LUC7L: variants seen among roughly 807,000 people sequenced by gnomAD.
LUC7L encodes the protein putative RNA-binding protein Luc7-like 1.
Under a neutral mutation model 51.1 loss-of-function variants are expected in LUC7L, and 29 were observed. The observed-to-expected ratio is 0.57, with a 90% CI of 0.42 to 0.77. LUC7L has a LOEUF of 0.77. Among genes scored for constraint, LUC7L ranks in the 30% least tolerant of loss-of-function variants. The probability of loss-of-function intolerance (pLI) is 0.00; values close to 1 mark genes in which losing one functional copy is unlikely to be tolerated. For synonymous variants in LUC7L, 181 were observed against 180.7 expected (o/e 1.00, Z -0.01); for missense variants, 403 against 511.9 (o/e 0.79, Z 2.05).
chr16:190,667 G>T, intron 7 of LUC7L, 97 bp from the exon 8 acceptor site: 1 of 1,092,000 alleles, frequency 9.2e-7, no homozygotes, highest in South Asian at 1.3e-5. Flanking sequence ...ATCACCTGAG[G>T]TCACGAGCTG....
intron 2 of LUC7L, among the ~76,000 whole-genome samples, chr16:224,087 C>T (rs1450372495): frequency 6.6e-6 from 1 of 152,118 alleles, no homozygotes; most frequent in East Asian, 1.9e-4. Context: ...ATGCTTTAAA[C>T]TAATCAAGGC....
At chr16:227,173 G>C in intron 2 of LUC7L, 69 bp downstream of exon 2, 1 of 1,297,368 alleles carries the variant, frequency 7.7e-7, no homozygotes, top group Non-Finnish European at 1.1e-6. Flanking sequence ...ATTCAACATA[G>C]AAAAACCGTC....
intron 3 of LUC7L, chr16:208,948 C>G (rs2049560436): frequency 6.6e-6 from 1 of 152,192 alleles, no homozygotes; most frequent in Admixed American, 6.6e-5. Flanking sequence ...GTAATCCCAG[C>G]ACTTTGTGAG....
intron 1 of LUC7L, 28 bp downstream of exon 1, chr16:229,251 C>G (rs1480799665): frequency 6.5e-7 from 1 of 1,530,008 alleles, no homozygotes; most frequent in African/African-American, 1.4e-5. Context: ...CACCCCAGAC[C>G]CTCGCCTGGT....
At chr16:189,589 C>G in intron 9 of LUC7L, 1 of 1,362,420 alleles carries the variant, frequency 7.3e-7, no homozygotes, top group Non-Finnish European at 9.4e-7. Flanking sequence ...AAGGAGAATA[C>G]AACACTATAT....
rs545589288 is a variant in LUC7L at position 207,131 on chromosome 16, G to T, written c.366+947C>A. On this transcript the variant is annotated intron_variant, in intron 4 of 9. Coordinates refer to ENST00000293872, the MANE Select transcript of LUC7L (RefSeq NM_201412.3). The stretch of plus-strand genomic sequence containing the variant: ...GGAGAATGGCGTAAACCCAGGAGGC[G>T]GAGCTTGCAGTGAGTCGAGATCACG... Among the ~76,000 whole-genome samples, 22 of 151,816 alleles carry T rather than the reference G, an allele frequency of 1.4e-4. No homozygotes were observed. In the East Asian group the frequency reaches 4.1e-3, roughly 28 times the overall value.
In LUC7L at chr16:206,167, G is replaced by C. The variant is rs1451011165; in HGVS notation, c.367-20C>G. ...TTCTGCCTGTGAGGAGAAAGAATGA[G>C]GTAAGCAGACATCTGAAAATGAAAG... On this transcript the variant is annotated intron_variant, in intron 4 of 9. Transcript: ENST00000293872. 1.9e-6 allele frequency: 3 copies of C among 1,605,078 alleles called. No individual in the cohort carries two copies. The South Asian group carries it at 3.4e-5, about 18-fold the overall frequency.
At chr16:210,919 C>T (rs1433639758) in intron 3 of LUC7L, among the ~76,000 whole-genome samples, 5 of 151,820 alleles carry the variant, frequency 3.3e-5, no homozygotes, top group African/African-American at 7.3e-5. Flanking sequence ...GGCGTGGTGG[C>T]GGGCGCCTAT....
At chr16:221,842 G>C (rs180988799) in intron 2 of LUC7L, among the ~76,000 whole-genome samples, 2 of 152,340 alleles carry the variant, frequency 1.3e-5, no homozygotes, top group East Asian at 3.9e-4. Context: ...AGAGCGGACA[G>C]AAGTTAGATT....
chr16:219,862 T>TC (rs2049916507), intron 3 of LUC7L, among the ~76,000 whole-genome samples: 1 of 147,524 alleles, frequency 6.8e-6, no homozygotes, highest in Non-Finnish European at 1.5e-5. Flanking sequence ...AGAGTGAAAC[T>TC]CCGTCTCAAA....
At chr16:225,337 T>C (rs1163864154) in intron 2 of LUC7L, among the ~76,000 whole-genome samples, 3 of 151,684 alleles carry the variant, frequency 2.0e-5, no homozygotes, top group Non-Finnish European at 4.4e-5. Flanking sequence ...AATACAAAAG[T>C]TAGCCGGGCG....
intron 6 of LUC7L, among the ~76,000 whole-genome samples, chr16:197,986 C>T (rs1025696198): frequency 3.3e-5 from 5 of 151,972 alleles, no homozygotes; most frequent in African/African-American, 9.7e-5. Context: ...TTTTAAATGT[C>T]GGCCGGGTGC....
At chr16:214,238 T>C (rs983238831) in intron 3 of LUC7L, among the ~76,000 whole-genome samples, 2 of 151,946 alleles carry the variant, frequency 1.3e-5, no homozygotes, top group African/African-American at 4.8e-5. Context: ...CAGCTAATTT[T>C]TATATTTTTA....
intron 7 of LUC7L, among the ~76,000 whole-genome samples, chr16:191,751 A>G (rs1368444785): frequency 6.6e-6 from 1 of 152,218 alleles, no homozygotes; most frequent in Non-Finnish European, 1.5e-5. Context: ...AGGCAGAGGC[A>G]GGAGACTCGC....
At chr16:211,804 A>G (rs898441151) in intron 3 of LUC7L, among the ~76,000 whole-genome samples, 1 of 152,172 alleles carries the variant, frequency 6.6e-6, no homozygotes, top group Non-Finnish European at 1.5e-5. Flanking sequence ...CAATATCAGC[A>G]CACGTCATCT....
intron 8 of LUC7L, 53 bp from the exon 9 acceptor site, chr16:190,188 A>T: frequency 2.0e-6 from 3 of 1,487,188 alleles, no homozygotes; most frequent in Non-Finnish European, 2.8e-6. Context: ...CAACACTATG[A>T]GGGCCCCACC....
At chr16:197,096 C>T (rs1347861130) in intron 6 of LUC7L, among the ~76,000 whole-genome samples, 4 of 150,172 alleles carry the variant, frequency 2.7e-5, no homozygotes, top group Non-Finnish European at 4.4e-5. Flanking sequence ...TTAGTAGAGA[C>T]GGGGTTTCAC....
intron 3 of LUC7L, among the ~76,000 whole-genome samples, chr16:219,187 G>A (rs551697588): frequency 6.6e-6 from 1 of 151,574 alleles, no homozygotes; most frequent in African/African-American, 2.4e-5. Context: ...TCAGGAGATC[G>A]AGACCAGCCT....
intron 5 of LUC7L, 39 bp downstream of exon 5, chr16:205,965 C>A (rs965779240): frequency 1.3e-6 from 2 of 1,580,488 alleles, no homozygotes; most frequent in Admixed American, 2.0e-5. Flanking sequence ...TGCCAAATTA[C>A]TAAGATTTCT....
Sources: gnomAD v4.1 joint callset for allele counts (sites outside exome capture counted in the v4.1 genomes callset) on GRCh38, gnomAD v4.1.1 for gene constraint, MANE v1.5 for transcripts, NCBI Gene and HGNC (gene_info 2026-07-23, HGNC 2026-07-21) for gene names.